The following ZNF782 variants were observed in gnomAD, a reference collection of about 807,000 sequenced individuals.
ZNF782 encodes the protein zinc finger protein 782.
A neutral mutation model predicts 13.0 loss-of-function variants in ZNF782; 12 were observed. That is an observed-to-expected ratio of 0.92 (90% CI 0.59 to 1.50). The LOEUF is 1.50. ZNF782 is among the 40% of genes most tolerant of loss of function. ZNF782 has a pLI of 0.00. For missense variants in ZNF782, 770 were observed against 822.9 expected (o/e 0.94, Z 0.79); for synonymous variants, 284 against 283.0 (o/e 1.00, Z -0.04).
Position 96,816,633 on chromosome 9 carries a change from T to G in ZNF782, c.*1290A>C, listed in dbSNP as rs1430227747. ...CTTACCTTTCTCAAATTGATAGATT[T>G]TCTCCTTGTAACAAGCTCTGATATA... On this transcript the variant is annotated 3_prime_UTR_variant, in exon 6 of 6. Coordinates refer to ENST00000481138, the MANE Select transcript of ZNF782 (RefSeq NM_001001662.3). 1 of 152,242 alleles carries G rather than the reference T, an allele frequency of 6.6e-6. No individual in the cohort carries two copies. Among genetic ancestry groups the G allele is most frequent in the Non-Finnish European group, 1.5e-5 (1 of 68,042 alleles). 9.4% of individuals were successfully genotyped at this position (152,242 alleles called of 1,614,324 possible).
intron 4 of ZNF782, among the ~76,000 whole-genome samples, chr9:96,834,650 A>T (rs185744552): frequency 6.6e-6 from 1 of 152,300 alleles, no homozygotes; most frequent in Admixed American, 6.5e-5. Context: ...GAAGCTGTCC[A>T]ATTTGGGACT....
chr9:96,922,469 C>G, the ZNF782 span, among the ~76,000 whole-genome samples: 1 of 152,262 alleles, frequency 6.6e-6, no homozygotes, highest in Non-Finnish European at 1.5e-5. Context: ...TTGTTATAAA[C>G]TGGTTCAAAT....
upstream of ZNF782, among the ~76,000 whole-genome samples, chr9:96,879,673 A>C (rs1485851444): frequency 6.6e-6 from 1 of 152,208 alleles, no homozygotes; most frequent in Non-Finnish European, 1.5e-5. Context: ...CCTGGCAAAA[A>C]AGACCATCCC....
At chr9:96,881,552 A>G in the ZNF782 span, among the ~76,000 whole-genome samples, 1 of 152,118 alleles carries the variant, frequency 6.6e-6, no homozygotes, top group Non-Finnish European at 1.5e-5. Context: ...GAAAAAAATT[A>G]AAGACTATAA....
chr9:96,875,922 T>C (rs1407773051), upstream of ZNF782, among the ~76,000 whole-genome samples: 1 of 152,210 alleles, frequency 6.6e-6, no homozygotes. Flanking sequence ...GACCCTTTCC[T>C]AGAGTGTGGC....
the ZNF782 span, among the ~76,000 whole-genome samples, chr9:96,900,048 C>G: frequency 6.6e-6 from 1 of 152,022 alleles, no homozygotes; most frequent in African/African-American, 2.4e-5. Flanking sequence ...ATCCTCTGAC[C>G]TTGACCTCCC....
chr9:96,909,852 C>T, the ZNF782 span, among the ~76,000 whole-genome samples: 1 of 151,548 alleles, frequency 6.6e-6, no homozygotes, highest in African/African-American at 2.4e-5. Flanking sequence ...AAGTGAAAAG[C>T]CACATATGTC....
At chr9:96,919,107 AC>A in the ZNF782 span, 1 of 177,600 alleles carries the variant, frequency 5.6e-6, no homozygotes, top group African/African-American at 2.4e-5. Context: ...GGGGGAAAGA[AC>A]AAAAATTTTC....
intron 4 of ZNF782, among the ~76,000 whole-genome samples, chr9:96,829,138 A>G (rs1563999827): frequency 6.6e-6 from 1 of 151,340 alleles, no homozygotes; most frequent in Non-Finnish European, 1.5e-5. Context: ...GATGTGTATT[A>G]CGAGAAATGT....
At chr9:96,874,238 C>A (rs1851865097) in intron 1 of ZNF782, among the ~76,000 whole-genome samples, 1 of 152,170 alleles carries the variant, frequency 6.6e-6, no homozygotes. Context: ...CTGGATAATT[C>A]ATGGACACTC....
chr9:96,829,227 C>T (rs943793561), intron 4 of ZNF782, among the ~76,000 whole-genome samples: 2 of 151,576 alleles, frequency 1.3e-5, no homozygotes, highest in Non-Finnish European at 2.9e-5. Context: ...ATAAAGAGCA[C>T]CATAAACTGG....
the ZNF782 span, chr9:96,928,932 T>C: frequency 7.4e-7 from 1 of 1,353,334 alleles, no homozygotes; most frequent in Non-Finnish European, 1.0e-6. Context: ...CTCAGGAGGA[T>C]CTGCTGAGTC....
intron 5 of ZNF782, among the ~76,000 whole-genome samples, chr9:96,822,646 C>G (rs951132954): frequency 6.6e-6 from 1 of 152,114 alleles, no homozygotes; most frequent in African/African-American, 2.4e-5. Context: ...TTTATTACAT[C>G]TTTTGCTTTG....
chr9:96,827,755 A>T (rs1297746577), intron 4 of ZNF782, among the ~76,000 whole-genome samples: 1 of 152,248 alleles, frequency 6.6e-6, no homozygotes, highest in Non-Finnish European at 1.5e-5. Flanking sequence ...GGGTAAAAGG[A>T]ACTGATTTCC....
chr9:96,898,665 G>C, the ZNF782 span, among the ~76,000 whole-genome samples: 1 of 145,604 alleles, frequency 6.9e-6, no homozygotes, highest in African/African-American at 2.6e-5. Flanking sequence ...TCATGCCTCA[G>C]CCTCCCGAGT....
At chr9:96,833,964 A>G (rs1850897207) in intron 4 of ZNF782, among the ~76,000 whole-genome samples, 2 of 152,194 alleles carry the variant, frequency 1.3e-5, no homozygotes, top group African/African-American at 4.8e-5. Flanking sequence ...TCTTTGACGT[A>G]TCCCCTGCTA....
Position 96,817,890 on chromosome 9 carries a change from C to T in ZNF782, c.*33G>A, listed in dbSNP as rs1367043268. 3.3e-6 allele frequency: 5 copies of T among 1,514,376 alleles called. No homozygotes were observed. Among genetic ancestry groups the T allele is most frequent in the Non-Finnish European group, 4.4e-6 (5 of 1,133,742 alleles). The allele number at this position is 1,514,376 out of a possible 1,614,324, so 93.8% of individuals were successfully genotyped here. A position where few individuals can be genotyped will look rare whatever the true frequency, so the allele number is the denominator to read the frequency against. ...GTATTGTGAGGTTTGATTTCCAGCT[C>T]AGAGTTTTTTCGTATTCTTTATATG... On this transcript the variant is annotated 3_prime_UTR_variant, in exon 6 of 6. Coordinates refer to ENST00000481138, the MANE Select transcript of ZNF782 (RefSeq NM_001001662.3).
chr9:96,908,316 A>G, the ZNF782 span, among the ~76,000 whole-genome samples: 2 of 151,944 alleles, frequency 1.3e-5, no homozygotes, highest in African/African-American at 2.4e-5. Context: ...GGTTCAAGCT[A>G]TCCTCCTGCT....
chr9:96,883,969 C>G, the ZNF782 span, among the ~76,000 whole-genome samples: 14 of 152,182 alleles, frequency 9.2e-5, no homozygotes, highest in Non-Finnish European at 1.8e-4. Context: ...TTCTCTTTAG[C>G]CAAAGGTCTT....
Sources: gnomAD v4.1 joint callset for allele counts (sites outside exome capture counted in the v4.1 genomes callset) on GRCh38, gnomAD v4.1.1 for gene constraint, MANE v1.5 for transcripts, NCBI Gene and HGNC (gene_info 2026-07-23, HGNC 2026-07-21) for gene names.